The following SHLD2 variants were observed in gnomAD, a reference collection of about 807,000 sequenced individuals.
The protein encoded by SHLD2 is RINN1-REV7-interacting novel NHEJ regulator 2.
A neutral mutation model predicts 73.2 loss-of-function variants in SHLD2; 30 were observed. The ratio of observed to expected loss-of-function variants is 0.41; its 90% CI spans 0.31 to 0.56. The LOEUF (loss-of-function observed/expected upper bound fraction) is 0.56, where lower values mean the gene tolerates loss of function less well. Among genes scored for constraint, SHLD2 ranks in the 20% least tolerant of loss-of-function variants. SHLD2 has a pLI of 0.28. For synonymous variants in SHLD2, 285 were observed against 370.1 expected (o/e 0.77, Z 2.64); for missense variants, 745 against 1,055.9 (o/e 0.71, Z 4.08).
At chr10:87,146,154 G>C (rs1241524815) in intron 2 of SHLD2, among the ~76,000 whole-genome samples, 1 of 152,112 alleles carries the variant, frequency 6.6e-6, no homozygotes, top group East Asian at 1.9e-4. Context: ...GGAGGGTAGG[G>C]TAACAGTTCC....
At chr10:87,128,825 T>C (rs191666397) in intron 2 of SHLD2, among the ~76,000 whole-genome samples, 2,127 of 152,356 alleles carry the variant, frequency 0.014, 35 homozygotes, top group South Asian at 0.057. Flanking sequence ...TTTTAAACAA[T>C]TATGCTCTGC....
intron 2 of SHLD2, among the ~76,000 whole-genome samples, chr10:87,101,833 G>A (rs913824322): frequency 2.0e-5 from 3 of 152,184 alleles, no homozygotes; most frequent in Non-Finnish European, 4.4e-5. Context: ...AGAATTACCT[G>A]AACCCAGGAG....
At chr10:87,133,367 C>CTA (rs1261009122) in intron 2 of SHLD2, among the ~76,000 whole-genome samples, 2 of 152,022 alleles carry the variant, frequency 1.3e-5, no homozygotes, top group Admixed American at 6.6e-5. Context: ...TCTGCAATAT[C>CTA]TAAATTTTTC....
rs139435076 is a variant in SHLD2 at position 87,156,885 on chromosome 10, C to A, written c.1526-1163C>A. Among the ~76,000 whole-genome samples, 1,060 of 152,206 alleles carry A rather than the reference C, an allele frequency of 7.0e-3. 10 individuals are homozygous for A. Among genetic ancestry groups the A allele is most frequent in the African/African-American group, 0.023 (938 of 41,528 alleles). On this transcript the variant is annotated intron_variant, in intron 3 of 9. Coordinates refer to ENST00000298786, the MANE Select transcript of SHLD2 (RefSeq NM_001330112.2). Reference sequence around the variant, plus strand: ...TGCTCTGATATATCACTCGCCTGAACTCATTAATGCTCTGATGAATGACTC... The same window carrying A: ...TGCTCTGATATATCACTCGCCTGAAATCATTAATGCTCTGATGAATGACTC...
intron 7 of SHLD2, among the ~76,000 whole-genome samples, chr10:87,178,575 G>T (rs1469885652): frequency 6.6e-6 from 1 of 151,450 alleles, no homozygotes; most frequent in East Asian, 1.9e-4. Flanking sequence ...AATTAGCCAG[G>T]TGTGGTGGTG....
At chr10:87,107,827 A>G (rs1275020241) in intron 2 of SHLD2, among the ~76,000 whole-genome samples, 1 of 152,112 alleles carries the variant, frequency 6.6e-6, no homozygotes, top group Non-Finnish European at 1.5e-5. Context: ...TAAATATACA[A>G]AGATGTAATT....
chr10:87,166,237 A>G (rs1446117018), intron 4 of SHLD2, among the ~76,000 whole-genome samples: 3 of 151,930 alleles, frequency 2.0e-5, no homozygotes, highest in Admixed American at 6.6e-5. Flanking sequence ...ATTATTATAG[A>G]TGGTTTACAT....
chr10:87,165,276 A>C (rs1847120645), intron 4 of SHLD2, among the ~76,000 whole-genome samples: 1 of 152,162 alleles, frequency 6.6e-6, no homozygotes, highest in Non-Finnish European at 1.5e-5. Context: ...ACACAAATGC[A>C]CTGATAGATG....
chr10:87,146,672 T>C (rs1038832568), intron 2 of SHLD2, among the ~76,000 whole-genome samples: 1 of 152,000 alleles, frequency 6.6e-6, no homozygotes, highest in African/African-American at 2.4e-5. Context: ...ACAATTCTCC[T>C]TCTTCCATTG....
intron 2 of SHLD2, among the ~76,000 whole-genome samples, chr10:87,141,676 G>C (rs887878202): frequency 6.6e-6 from 1 of 152,122 alleles, no homozygotes; most frequent in Non-Finnish European, 1.5e-5. Context: ...AGAAATGCAG[G>C]AGGTGATGGA....
At position 87,113,142 on chromosome 10, in the gene SHLD2, T is replaced by C. The variant is rs186536433; in HGVS notation, c.-6+16153T>C. 2.8e-3 allele frequency among the ~76,000 whole-genome samples: 421 copies of C among 152,138 alleles called. 2 individuals are homozygous for C. The highest frequency in any genetic ancestry group is 4.2e-3 in the Non-Finnish European group (284 of 67,996). ...GAAGTAGAAGACCACCTGACCAACA[T>C]GGAGAAACCCCATCTCTACTAAAAA... On this transcript the variant is annotated intron_variant, in intron 2 of 9. Coordinates refer to ENST00000298786, the MANE Select transcript of SHLD2 (RefSeq NM_001330112.2).
chr10:87,127,527 C>CCA (rs1343863010), intron 2 of SHLD2, among the ~76,000 whole-genome samples: 2 of 57,230 alleles, frequency 3.5e-5, no homozygotes, highest in East Asian at 3.0e-3. Flanking sequence ...TCCCTCTTAC[C>CCA]CGCCCCCCCC....
At chr10:87,160,747 T>A (rs540954795) in intron 4 of SHLD2, among the ~76,000 whole-genome samples, 1 of 152,308 alleles carries the variant, frequency 6.6e-6, no homozygotes, top group South Asian at 2.1e-4. Flanking sequence ...CCCAGCACTT[T>A]GGGAGGCCAA....
intron 3 of SHLD2, among the ~76,000 whole-genome samples, chr10:87,153,429 G>A (rs1397310540): frequency 6.6e-6 from 1 of 152,076 alleles, no homozygotes; most frequent in Non-Finnish European, 1.5e-5. Context: ...GTCTAATAAT[G>A]CTGTGCACAT....
At chr10:87,158,838 T>C (rs1846616803) in intron 4 of SHLD2, among the ~76,000 whole-genome samples, 1 of 152,202 alleles carries the variant, frequency 6.6e-6, no homozygotes, top group Non-Finnish European at 1.5e-5. Flanking sequence ...ATTTGAATAC[T>C]GGCCCTCTTA....
chr10:87,163,747 G>A lies in SHLD2; in HGVS notation c.1633+5592G>A, dbSNP rs570169636. Among the ~76,000 whole-genome samples the A allele has an allele frequency of 1.6e-4, 24 of 150,104 alleles. No individual in the cohort carries two copies. The South Asian group carries it at 5.1e-3, about 32-fold the overall frequency. On this transcript the variant is annotated intron_variant, in intron 4 of 9. Coordinates refer to ENST00000298786, the MANE Select transcript of SHLD2 (RefSeq NM_001330112.2). ...CAAGGGAAGGTTAAAACGAACCAGAGGTATTGTTATAAACTGAGGATTTTT... is the reference window on the plus strand; with the variant it reads ...CAAGGGAAGGTTAAAACGAACCAGAAGTATTGTTATAAACTGAGGATTTTT...
rs1847553509 is a variant in SHLD2 at position 87,170,906 on chromosome 10, A to G, written c.1895A>G (p.Asp632Gly). 8.1e-6 allele frequency: 13 copies of G among 1,608,244 alleles called. No individual in the cohort carries two copies. Among genetic ancestry groups the G allele is most frequent in the Non-Finnish European group, 1.0e-5 (12 of 1,177,486 alleles). Residue 632 changes from aspartate to glycine, a missense_variant, in exon 6 of 10, where the codon GAT becomes GGT. Physicochemically the swap from Asp to Gly is moderately conservative, Grantham distance 94. Around this residue, in one of 5 missense-constraint regions of SHLD2, gnomAD observed 418 missense variants for 567.8 expected, o/e 0.74. Coordinates refer to ENST00000298786, the MANE Select transcript of SHLD2 (RefSeq NM_001330112.2). Reference sequence around the variant, plus strand: ...ATGTTAACAGTGGAACAGGCCCAAGATCAACATTATGCGCTTGTATTATGG... The same window carrying G: ...ATGTTAACAGTGGAACAGGCCCAAGGTCAACATTATGCGCTTGTATTATGG... ...KVMLTVEQAQ[D>G]QHYALVLWGP...
chr10:87,160,965 C>T (rs867595794), intron 4 of SHLD2, among the ~76,000 whole-genome samples: 10 of 145,616 alleles, frequency 6.9e-5, no homozygotes, highest in East Asian at 2.0e-4. Flanking sequence ...GCAGCCTGAG[C>T]GACAGAGTGA....
intron 1 of SHLD2, 27 bp downstream of exon 1, chr10:87,095,275 G>A (rs1327884199): frequency 2.0e-5 from 3 of 151,774 alleles, no homozygotes; most frequent in Admixed American, 2.0e-4. Context: ...GGTCCCTCAG[G>A]GGGGTTGGGG....
Sources: allele counts gnomAD v4.1 joint callset (sites outside exome capture counted in the v4.1 genomes callset), GRCh38; gene constraint gnomAD v4.1.1; regional missense constraint gnomAD v4.1.1; transcripts MANE v1.5; gene names NCBI Gene and HGNC (gene_info 2026-07-23, HGNC 2026-07-21).